POLR1B: variants seen among roughly 807,000 people sequenced by gnomAD.
The protein encoded by POLR1B is RNA polymerase I subunit B, also known as DNA-directed RNA polymerase I subunit RPA2.
POLR1B carries 30 observed loss-of-function variants against 105.8 expected under a neutral mutation model. The observed-to-expected ratio is 0.28, with a 90% CI of 0.21 to 0.38. The LOEUF (loss-of-function observed/expected upper bound fraction) is 0.38. POLR1B is among the 10% of genes least tolerant of loss of function. The probability of loss-of-function intolerance (pLI) is 1.00; values close to 1 mark genes in which losing one functional copy is unlikely to be tolerated. For synonymous variants in POLR1B, 485 were observed against 505.1 expected (o/e 0.96, Z 0.53); for missense variants, 976 against 1,435.8 (o/e 0.68, Z 5.17).
chr2:112,551,395 T>C (rs1388564285), intron 5 of POLR1B, among the ~76,000 whole-genome samples: 4 of 152,226 alleles, frequency 2.6e-5, no homozygotes, highest in South Asian at 4.1e-4. Context: ...GAGGCAACTG[T>C]CTTCCTCCAT....
At chr2:112,561,710 G>A (rs1281345389) in intron 9 of POLR1B, among the ~76,000 whole-genome samples, 1 of 152,190 alleles carries the variant, frequency 6.6e-6, no homozygotes, top group East Asian at 1.9e-4. Flanking sequence ...GCCAACAGCA[G>A]TGTAATTATA....
chr2:112,551,050 G>T (rs745958592), intron 5 of POLR1B, 48 bp downstream of exon 5: 2 of 1,555,150 alleles, frequency 1.3e-6, no homozygotes, highest in South Asian at 2.2e-5. Flanking sequence ...ATTCACTGGG[G>T]GTAGTATCCT....
At chr2:112,557,145 G>T (rs1349916146) in intron 7 of POLR1B, among the ~76,000 whole-genome samples, 1 of 152,150 alleles carries the variant, frequency 6.6e-6, no homozygotes, top group Non-Finnish European at 1.5e-5. Context: ...AATTAGCCAG[G>T]CATGGTGGCA....
In POLR1B at chr2:112,579,208, CAAAAAAAAAAAAAAAAAAAAAA is replaced by C. The variant is rs56190123; in HGVS notation, c.*3490_*3511del. On this transcript the variant is annotated 3_prime_UTR_variant, in exon 15 of 15. Transcript: ENST00000263331. Reference sequence around the variant, plus strand: ...GGGCAACAGAGCAAGACTAGAGTCTCAAAAAAAAAAAAAAAAAAAAAAAAAAAAAAAAGGAAAGCAAAATTGT... The same window carrying C: ...GGGCAACAGAGCAAGACTAGAGTCTCAAAAAAAAAAGGAAAGCAAAATTGT... Among the ~76,000 whole-genome samples, 1 of 58,664 alleles carries C rather than the reference CAAAAAAAAAAAAAAAAAAAAAA, an allele frequency of 1.7e-5. No homozygotes were observed. Among genetic ancestry groups the C allele is most frequent in the African/African-American group, 7.1e-5 (1 of 14,074 alleles). 38.5% of individuals were successfully genotyped at this position (58,664 alleles called of 152,430 possible).
Position 112,549,360 on chromosome 2 carries a change from C to T in POLR1B, c.586C>T (p.Pro196Ser). 1 of 1,613,300 alleles carries T rather than the reference C, an allele frequency of 6.2e-7. No individual in the cohort carries two copies. Among genetic ancestry groups the T allele is most frequent in the South Asian group, 1.1e-5 (1 of 91,018 alleles). Residue 196 changes from proline (P) to serine (S), a missense_variant, in exon 4 of 15, where the codon CCA becomes TCA. Physicochemically the swap from Pro to Ser is moderately conservative, Grantham distance 74. Around this residue, in one of 12 missense-constraint regions of POLR1B, gnomAD observed 452 missense variants for 616.5 expected, o/e 0.73. Transcript: ENST00000263331. ...RRNFPIAMIR[P>S]KWKTRGPGYT... ...AAATTTTCCCATTGCAATGATAAGACCAAAATGGAAAACCAGAGGGCCTGG... is the reference window on the plus strand; with the variant it reads ...AAATTTTCCCATTGCAATGATAAGATCAAAATGGAAAACCAGAGGGCCTGG...
At chr2:112,574,158 T>C (rs1258440605) in intron 14 of POLR1B, among the ~76,000 whole-genome samples, 1 of 152,176 alleles carries the variant, frequency 6.6e-6, no homozygotes, top group Non-Finnish European at 1.5e-5. Context: ...TTGTGCTTTT[T>C]TTAAAAACTG....
In POLR1B at chr2:112,559,360, C is replaced by T; in HGVS notation, c.1398C>T (p.Leu466=). The T allele has an allele frequency of 6.2e-7, 1 of 1,614,218 alleles. No individual in the cohort carries two copies. ...VADKLNFIRY[L]SHFRCVHRGA... is the part of the protein sequence containing the mutation. ...ACAAGCTGAACTTCATACGCTACCT[C>T]TCCCATTTCCGCTGCGTGCACAGAG... The change falls in exon 9 of 15, where the codon CTC becomes CTT. Residue 466 remains leucine, a synonymous_variant. Transcript: ENST00000263331.
intron 9 of POLR1B, among the ~76,000 whole-genome samples, chr2:112,562,250 CATA>C (rs1574117757): frequency 6.6e-6 from 1 of 152,118 alleles, no homozygotes; most frequent in African/African-American, 2.4e-5. Flanking sequence ...CAAATGTGCA[CATA>C]ATGAGGATTA....
chr2:112,551,749 A>G (rs1173174946), intron 5 of POLR1B, 26 bp from the exon 6 acceptor site: 8 of 1,567,232 alleles, frequency 5.1e-6, no homozygotes, highest in South Asian at 1.1e-5. Flanking sequence ...TTAGTGAGCA[A>G]TTAAACCTTT....
Position 112,558,091 on chromosome 2 carries a change from A to C in POLR1B, c.1330+10A>C. 10 of 1,321,538 alleles carry C rather than the reference A, an allele frequency of 7.6e-6. No homozygotes were observed. The highest frequency in any genetic ancestry group is 8.8e-6 in the Non-Finnish European group (9 of 1,024,636). The allele number at this position is 1,321,538 out of a possible 1,614,324, so 81.9% of individuals were successfully genotyped here. Reference sequence around the variant, plus strand: ...CTGCGTTCTAAAACAGGTAAAATTAAATCGATCGTTTTAGTTATGTTTTTC... The same window carrying C: ...CTGCGTTCTAAAACAGGTAAAATTACATCGATCGTTTTAGTTATGTTTTTC... On this transcript the variant is annotated intron_variant, in intron 8 of 14. Transcript: ENST00000263331.
chr2:112,568,895 C>T lies in POLR1B; in HGVS notation c.2067C>T (p.Cys689=), dbSNP rs1684443600. 1 of 1,613,666 alleles carries T rather than the reference C, an allele frequency of 6.2e-7. No homozygotes were observed. Reference sequence around the variant, plus strand: ...AGAGTCCACGGAACATGTACCAATGCCAGATGGGTAAGGAAGAGGGATGAT... The same window carrying T: ...AGAGTCCACGGAACATGTACCAATGTCAGATGGGTAAGGAAGAGGGATGAT... The part of the protein sequence containing the change: ...HNQSPRNMYQ[C]QMGKQTMGFP... The change falls in exon 12 of 15, where the codon TGC becomes TGT. Residue 689 remains cysteine (C), a synonymous_variant. Coordinates refer to ENST00000263331, the MANE Select transcript of POLR1B (RefSeq NM_019014.6).
At chr2:112,563,931 T>G (rs1684143878) in intron 9 of POLR1B, among the ~76,000 whole-genome samples, 1 of 152,012 alleles carries the variant, frequency 6.6e-6, no homozygotes, top group Non-Finnish European at 1.5e-5. Context: ...TTGCTCATCC[T>G]CTAAGAAGCA....
At chr2:112,553,454 A>G (rs1683481219) in intron 7 of POLR1B, 1 of 152,052 alleles carries the variant, frequency 6.6e-6, no homozygotes, top group Admixed American at 6.6e-5. Context: ...CTGGGACTAT[A>G]GACATTCACC....
chr2:112,565,852 GA>G (rs978672845), intron 10 of POLR1B, among the ~76,000 whole-genome samples: 3 of 152,098 alleles, frequency 2.0e-5, no homozygotes, highest in African/African-American at 7.2e-5. Flanking sequence ...GGGTGGGGGT[GA>G]AAGTCCCAAT....
chr2:112,572,511 T>C (rs1684646135), intron 12 of POLR1B, 51 bp from the exon 13 acceptor site: 1 of 1,371,822 alleles, frequency 7.3e-7, no homozygotes, highest in African/African-American at 1.5e-5. Flanking sequence ...ATCACACCTA[T>C]AATCAAGATG....
At position 112,578,771 on chromosome 2, in the gene POLR1B, A is replaced by G. The variant is rs544776882; in HGVS notation, c.*3042A>G. ...TATATGTCCTCTATATATTTTTTCT[A>G]TACATACATACCTTTGATGTTTAAT... On this transcript the variant is annotated 3_prime_UTR_variant, in exon 15 of 15. Coordinates refer to ENST00000263331, the MANE Select transcript of POLR1B (RefSeq NM_019014.6). Among the ~76,000 whole-genome samples the G allele has an allele frequency of 6.6e-6, 1 of 152,290 alleles. No individual in the cohort carries two copies. The highest frequency in any genetic ancestry group is 1.9e-4 in the East Asian group (1 of 5,186).
intron 1 of POLR1B, among the ~76,000 whole-genome samples, chr2:112,546,160 C>T (rs1307630629): frequency 6.6e-6 from 1 of 152,104 alleles, no homozygotes; most frequent in Non-Finnish European, 1.5e-5. Flanking sequence ...TTCCTCAGAA[C>T]AGCAAAGCTT....
At position 112,546,994 on chromosome 2, in the gene POLR1B, G is replaced by A; in HGVS notation, c.178-18G>A. The A allele has an allele frequency of 6.2e-7, 1 of 1,612,626 alleles. No individual in the cohort carries two copies. The highest frequency in any genetic ancestry group is 8.5e-7 in the Non-Finnish European group (1 of 1,178,952). ...CCTTGGAAATGCAAGCAATTTAATA[G>A]TGTGAATTGCATTTCAGGCTATACC... On this transcript the variant is annotated intron_variant, in intron 1 of 14. Transcript: ENST00000263331.
intron 12 of POLR1B, 114 bp from the exon 13 acceptor site, chr2:112,572,446 CTA>C: frequency 1.4e-6 from 1 of 713,804 alleles, no homozygotes; most frequent in Non-Finnish European, 2.2e-6. Context: ...ACTACCATGA[CTA>C]TTTATTTGTT....
Sources: gnomAD v4.1 joint callset for allele counts (sites outside exome capture counted in the v4.1 genomes callset) on GRCh38, gnomAD v4.1.1 for gene constraint, gnomAD v4.1.1 regional missense constraint, MANE v1.5 for transcripts, NCBI Gene and HGNC (gene_info 2026-07-23, HGNC 2026-07-21) for gene names.